GRAMD2B: variants seen among roughly 807,000 people sequenced by gnomAD.
The protein encoded by GRAMD2B is GRAM domain containing 2B.
In GRAMD2B, 41 loss-of-function variants were observed where a neutral mutation model predicts 59.2. The observed-to-expected ratio is 0.69, with a 90% CI of 0.54 to 0.90. The LOEUF is 0.90. GRAMD2B is among the 40% of genes least tolerant of loss of function. The pLI is 0.00. For missense variants in GRAMD2B, 424 were observed against 500.5 expected (o/e 0.85, Z 1.46); for synonymous variants, 161 against 182.7 (o/e 0.88, Z 0.96).
chr5:126,476,838 G>T (rs1415964515), intron 5 of GRAMD2B, among the ~76,000 whole-genome samples: 1 of 152,146 alleles, frequency 6.6e-6, no homozygotes, highest in Non-Finnish European at 1.5e-5. Flanking sequence ...GGAGGCGAAT[G>T]AAATTTTTAT....
At chr5:126,483,638 C>T (rs552780906) in intron 9 of GRAMD2B, 64 bp downstream of exon 9, 3 of 770,112 alleles carry the variant, frequency 3.9e-6, no homozygotes, top group South Asian at 3.7e-5. Flanking sequence ...CACCCCACCC[C>T]CTTAAAAAAA....
chr5:126,484,338 A>C lies in GRAMD2B; in HGVS notation c.848-64A>C, dbSNP rs1772462639. 8 of 1,533,742 alleles carry C rather than the reference A, an allele frequency of 5.2e-6. No individual in the cohort carries two copies. In the Admixed American group the frequency reaches 5.9e-5, roughly 11 times the overall value. On this transcript the variant is annotated intron_variant, in intron 9 of 13. Coordinates refer to ENST00000285689, the MANE Select transcript of GRAMD2B (RefSeq NM_023927.4). ...CATGTTAAGGGATTGATTTACTTGGAGATTAATCCTGTTTTTAAATACATT... is the reference window on the plus strand; with the variant it reads ...CATGTTAAGGGATTGATTTACTTGGCGATTAATCCTGTTTTTAAATACATT...
chr5:126,411,417 A>G (rs1267075224), intron 1 of GRAMD2B, among the ~76,000 whole-genome samples: 1 of 151,984 alleles, frequency 6.6e-6, no homozygotes, highest in Non-Finnish European at 1.5e-5. Flanking sequence ...GACTGTAGGC[A>G]TGTGGCTTGA....
At chr5:126,466,161 A>T in intron 2 of GRAMD2B, 3 of 1,416,336 alleles carry the variant, frequency 2.1e-6, no homozygotes, top group Non-Finnish European at 2.8e-6. Flanking sequence ...AGTGCAGTTT[A>T]TCTAAACTGA....
At chr5:126,438,142 G>A (rs142614728) in intron 1 of GRAMD2B, among the ~76,000 whole-genome samples, 15 of 152,280 alleles carry the variant, frequency 9.9e-5, no homozygotes, top group Middle Eastern at 3.4e-3. Flanking sequence ...GCCCCTTCTG[G>A]ACTTATTTTC....
intron 1 of GRAMD2B, among the ~76,000 whole-genome samples, chr5:126,424,762 T>G (rs1760292535): frequency 6.6e-6 from 1 of 152,370 alleles, no homozygotes; most frequent in African/African-American, 2.4e-5. Flanking sequence ...ATGCTTACTA[T>G]GTGACAGGGA....
At chr5:126,460,121 A>G (rs1767065382) in intron 1 of GRAMD2B, among the ~76,000 whole-genome samples, 1 of 152,156 alleles carries the variant, frequency 6.6e-6, no homozygotes, top group African/African-American at 2.4e-5. Flanking sequence ...AAAGAACACC[A>G]AGATAAAATA....
At chr5:126,433,910 C>T (rs1434429390) in intron 1 of GRAMD2B, 1 of 152,202 alleles carries the variant, frequency 6.6e-6, no homozygotes, top group East Asian at 1.9e-4. Flanking sequence ...TGTAGTGTTA[C>T]TTTCAAAGCC....
At chr5:126,363,812 T>A (rs1754325398) in intron 1 of GRAMD2B, among the ~76,000 whole-genome samples, 1 of 152,154 alleles carries the variant, frequency 6.6e-6, no homozygotes, top group African/African-American at 2.4e-5. Context: ...TAGGGCAGAA[T>A]GGAAGAGGAA....
chr5:126,376,586 G>A (rs1453400606), intron 1 of GRAMD2B, among the ~76,000 whole-genome samples: 1 of 152,202 alleles, frequency 6.6e-6, no homozygotes, highest in Non-Finnish European at 1.5e-5. Context: ...CAGATGAACA[G>A]GAACACAGCA....
intron 1 of GRAMD2B, among the ~76,000 whole-genome samples, chr5:126,458,111 G>A (rs953234763): frequency 2.0e-5 from 3 of 152,040 alleles, no homozygotes; most frequent in Non-Finnish European, 4.4e-5. Context: ...CAAAGAAATG[G>A]CAATCCTTGG....
intron 1 of GRAMD2B, among the ~76,000 whole-genome samples, chr5:126,382,856 T>C: frequency 6.6e-6 from 1 of 152,214 alleles, no homozygotes; most frequent in East Asian, 1.9e-4. Flanking sequence ...CAAGGGCTGC[T>C]GTTCAGATTC....
chr5:126,469,886 A>G lies in GRAMD2B; in HGVS notation c.315+98A>G, dbSNP rs11241896. ...CAAGTATGCACCTTCCTGCTGGTCA[A>G]GACTAATATAGGTATAGAGTTTAGA... On this transcript the variant is annotated intron_variant, in intron 3 of 13. Transcript: ENST00000285689. The G allele has an allele frequency of 0.017, 13,337 of 768,620 alleles. 1,232 individuals are homozygous for G. The African/African-American group carries it at 0.2, about 12-fold the overall frequency. The allele number at this position is 768,620 out of a possible 1,614,324, so 47.6% of individuals were successfully genotyped here.
chr5:126,400,552 A>G (rs1004644463), intron 1 of GRAMD2B, among the ~76,000 whole-genome samples: 3 of 152,160 alleles, frequency 2.0e-5, no homozygotes, highest in African/African-American at 7.2e-5. Flanking sequence ...TTTACCAGTG[A>G]GTTACACATT....
upstream of GRAMD2B, chr5:126,371,298 C>G (rs577540624): frequency 2.7e-6 from 3 of 1,131,702 alleles, no homozygotes; most frequent in Non-Finnish European, 3.3e-6. Context: ...AACATAGCCT[C>G]AGCTAGATTG....
chr5:126,363,234 G>A (rs1754299058), intron 1 of GRAMD2B, among the ~76,000 whole-genome samples: 1 of 152,034 alleles, frequency 6.6e-6, no homozygotes, highest in Non-Finnish European at 1.5e-5. Context: ...AGCATCATTA[G>A]TCATTAGGAA....
At chr5:126,455,479 G>T (rs1199322040) in intron 1 of GRAMD2B, among the ~76,000 whole-genome samples, 1 of 151,614 alleles carries the variant, frequency 6.6e-6, no homozygotes, top group Non-Finnish European at 1.5e-5. Context: ...TTCCTTGTCT[G>T]CATATTGTGC....
intron 1 of GRAMD2B, among the ~76,000 whole-genome samples, chr5:126,394,736 T>C (rs561809336): frequency 1.2e-4 from 18 of 152,336 alleles, no homozygotes; most frequent in African/African-American, 4.1e-4. Context: ...ATTTCAGATA[T>C]TTAGAGGAAA....
intron 1 of GRAMD2B, among the ~76,000 whole-genome samples, chr5:126,411,397 A>G (rs1029778194): frequency 1.3e-5 from 2 of 152,126 alleles, no homozygotes; most frequent in Non-Finnish European, 2.9e-5. Flanking sequence ...AACTTTGTCA[A>G]AGGTCAGATG....
Sources: allele counts gnomAD v4.1 joint callset (sites outside exome capture counted in the v4.1 genomes callset), GRCh38; gene constraint gnomAD v4.1.1; transcripts MANE v1.5; gene names NCBI Gene and HGNC (gene_info 2026-07-23, HGNC 2026-07-21).